MOB1B: variants seen among roughly 807,000 people sequenced by gnomAD.
The protein encoded by MOB1B is MOB kinase activator 1B.
In MOB1B, 19 loss-of-function variants were observed where a neutral mutation model predicts 24.4. That is an observed-to-expected ratio of 0.78 (90% CI 0.54 to 1.14). The LOEUF is 1.14. Among genes scored for constraint, MOB1B ranks in the 50% most tolerant of loss-of-function variants. The pLI is 0.00. For synonymous variants in MOB1B, 76 were observed against 82.1 expected (o/e 0.93, Z 0.40); for missense variants, 243 against 259.6 (o/e 0.94, Z 0.44).
intron 1 of MOB1B, among the ~76,000 whole-genome samples, chr4:70,925,267 C>T (rs1254019604): frequency 6.6e-6 from 1 of 152,126 alleles, no homozygotes; most frequent in African/African-American, 2.4e-5. Context: ...GAACGCCTGA[C>T]CTCTGGTGAT....
intron 1 of MOB1B, among the ~76,000 whole-genome samples, chr4:70,946,780 G>T (rs376855171): frequency 7.2e-5 from 11 of 152,008 alleles, no homozygotes; most frequent in African/African-American, 1.9e-4. Context: ...AGGGTTTTGG[G>T]AACTTCAATA....
intron 1 of MOB1B, chr4:70,950,898 C>G (rs1737777415): frequency 3.9e-6 from 3 of 772,980 alleles, no homozygotes; most frequent in African/African-American, 3.4e-5. Context: ...ATTATTATCT[C>G]CATTTTGTAG....
At chr4:70,976,297 T>G in intron 4 of MOB1B, 1 of 984,894 alleles carries the variant, frequency 1.0e-6, no homozygotes, top group Non-Finnish European at 1.2e-6. Flanking sequence ...TATCTACTTA[T>G]TTAGGGAAGT....
chr4:70,968,379 T>G (rs536664257), intron 2 of MOB1B, among the ~76,000 whole-genome samples: 1 of 152,224 alleles, frequency 6.6e-6, no homozygotes, highest in East Asian at 1.9e-4. Flanking sequence ...TGGCACGATC[T>G]CGGGTCACTG....
chr4:70,914,151 A>C (rs1422446016), intron 1 of MOB1B, among the ~76,000 whole-genome samples: 1 of 152,194 alleles, frequency 6.6e-6, no homozygotes, highest in East Asian at 1.9e-4. Flanking sequence ...AGGAGGCGCC[A>C]TTTACGAGGG....
intron 1 of MOB1B, among the ~76,000 whole-genome samples, chr4:70,905,954 C>T (rs1735718897): frequency 1.3e-5 from 2 of 151,972 alleles, no homozygotes; most frequent in Admixed American, 1.3e-4. Context: ...GTAGTCCCAG[C>T]TACTCTGGGG....
At chr4:70,934,423 C>G (rs1737004007) in intron 1 of MOB1B, among the ~76,000 whole-genome samples, 1 of 151,842 alleles carries the variant, frequency 6.6e-6, no homozygotes, top group African/African-American at 2.4e-5. Context: ...TATGTAAACA[C>G]TGTGGACAGT....
At chr4:70,913,028 C>T (rs1286500726) in intron 1 of MOB1B, among the ~76,000 whole-genome samples, 2 of 151,736 alleles carry the variant, frequency 1.3e-5, no homozygotes, top group Non-Finnish European at 2.9e-5. Context: ...AAAGTGCCGG[C>T]ATTACAGGTG....
chr4:70,979,406 C>T (rs1035097351), intron 5 of MOB1B, 115 bp downstream of exon 5: 5 of 729,938 alleles, frequency 6.8e-6, no homozygotes, highest in East Asian at 2.6e-5. Context: ...CTGTAGTCTG[C>T]ATCCTCTTCT....
intron 4 of MOB1B, among the ~76,000 whole-genome samples, chr4:70,977,774 C>T (rs1240699248): frequency 6.6e-6 from 1 of 152,084 alleles, no homozygotes; most frequent in African/African-American, 2.4e-5. Flanking sequence ...TCACTGCAGC[C>T]TCATCTTCTG....
At chr4:70,924,016 C>T (rs1226922469) in intron 1 of MOB1B, among the ~76,000 whole-genome samples, 1 of 142,278 alleles carries the variant, frequency 7.0e-6, no homozygotes, top group African/African-American at 2.6e-5. Flanking sequence ...AAATGTATAA[C>T]TCTGTAAATA....
At chr4:70,934,426 T>C (rs1342497846) in intron 1 of MOB1B, among the ~76,000 whole-genome samples, 3 of 151,796 alleles carry the variant, frequency 2.0e-5, no homozygotes, top group African/African-American at 7.3e-5. Flanking sequence ...GTAAACACTG[T>C]GGACAGTTGA....
chr4:70,927,885 C>G lies in MOB1B; in HGVS notation c.14+25335C>G, dbSNP rs191931251. On this transcript the variant is annotated intron_variant, in intron 1 of 5. Coordinates refer to ENST00000309395, the MANE Select transcript of MOB1B (RefSeq NM_173468.4). ...CTCCCTGAGATGTTTGCTTACCACTCCAGCCTCATCCGTGCCTTCCTGCTC... is the reference window on the plus strand; with the variant it reads ...CTCCCTGAGATGTTTGCTTACCACTGCAGCCTCATCCGTGCCTTCCTGCTC... Among the ~76,000 whole-genome samples the G allele has an allele frequency of 4.6e-5, 7 of 152,292 alleles. No homozygotes were observed. The East Asian group carries it at 1.4e-3, about 29-fold the overall frequency.
rs993098640 is a variant in MOB1B at position 70,941,373 on chromosome 4, G to A, written c.15-17501G>A. The stretch of plus-strand genomic sequence containing the variant: ...ATTTATTTTTTTGAGACGGAGTCTC[G>A]CTCTGTTGCCCAGGCTGGAGTGCAA... On this transcript the variant is annotated intron_variant, in intron 1 of 5. Transcript: ENST00000309395. Among the ~76,000 whole-genome samples the A allele has an allele frequency of 7.2e-5, 11 of 151,996 alleles. 1 individual carries two copies. The highest frequency in any genetic ancestry group is 4.6e-4 in the Admixed American group (7 of 15,252).
At chr4:70,929,867 T>G (rs1736816885) in intron 1 of MOB1B, among the ~76,000 whole-genome samples, 1 of 151,996 alleles carries the variant, frequency 6.6e-6, no homozygotes, top group African/African-American at 2.4e-5. Flanking sequence ...TCTCCTGACC[T>G]TGTGATCCGC....
intron 1 of MOB1B, among the ~76,000 whole-genome samples, chr4:70,920,429 T>A (rs1736387413): frequency 6.6e-6 from 1 of 152,252 alleles, no homozygotes; most frequent in African/African-American, 2.4e-5. Context: ...TTTACCATGT[T>A]GGCCAGGCTG....
chr4:70,980,708 C>G lies in MOB1B; in HGVS notation c.574-1272C>G, dbSNP rs969180461. Among the ~76,000 whole-genome samples the G allele has an allele frequency of 2.0e-5, 3 of 152,098 alleles. No homozygotes were observed. In the South Asian group the frequency reaches 6.2e-4, roughly 31 times the overall value. ...TGTTGCTTGCTTGGGTACCTGAAAC[C>G]CAGAATTCTCTGTCCACATGGTCCA... On this transcript the variant is annotated intron_variant, in intron 5 of 5. Transcript: ENST00000309395.
intron 1 of MOB1B, among the ~76,000 whole-genome samples, chr4:70,938,514 C>A (rs893875866): frequency 5.3e-5 from 8 of 151,980 alleles, no homozygotes; most frequent in Non-Finnish European, 1.0e-4. Context: ...AAGCCAGAGA[C>A]CTTCTGTTTT....
chr4:70,958,825 A>G (rs1738176730), intron 1 of MOB1B, 49 bp from the exon 2 acceptor site: 4 of 1,498,370 alleles, frequency 2.7e-6, no homozygotes, highest in East Asian at 4.5e-5. Flanking sequence ...ACTCTATTGA[A>G]TGTCATGCCT....
Sources: allele counts gnomAD v4.1 joint callset (sites outside exome capture counted in the v4.1 genomes callset), GRCh38; gene constraint gnomAD v4.1.1; transcripts MANE v1.5; gene names NCBI Gene and HGNC (gene_info 2026-07-23, HGNC 2026-07-21).